LCMT1: variants seen among roughly 807,000 people sequenced by gnomAD.
LCMT1 encodes [Phosphatase 2A protein]-leucine-carboxy methyltransferase 1.
A neutral mutation model predicts 47.7 loss-of-function variants in LCMT1; 32 were observed. That is an observed-to-expected ratio of 0.67 (90% CI 0.51 to 0.90). The LOEUF (loss-of-function observed/expected upper bound fraction) is 0.90, where lower values mean the gene tolerates loss of function less well. Ranked by LOEUF, LCMT1 falls within the 40% of genes least tolerant of loss-of-function variation. The probability of loss-of-function intolerance (pLI) is 0.00; values close to 1 mark genes in which losing one functional copy is unlikely to be tolerated. For missense variants in LCMT1, 375 were observed against 415.2 expected (o/e 0.90, Z 0.84); for synonymous variants, 152 against 149.7 (o/e 1.02, Z -0.11).
intron 9 of LCMT1, among the ~76,000 whole-genome samples, chr16:25,172,955 G>T (rs893621163): frequency 6.6e-6 from 1 of 152,222 alleles, no homozygotes; most frequent in Non-Finnish European, 1.5e-5. Context: ...GCAGTCATTT[G>T]TCTCATGTTT....
intron 1 of LCMT1, among the ~76,000 whole-genome samples, chr16:25,114,543 C>T (rs1959727247): frequency 6.6e-6 from 1 of 152,126 alleles, no homozygotes; most frequent in Admixed American, 6.6e-5. Flanking sequence ...CTTATGATGT[C>T]CATCATGCTA....
At chr16:25,132,917 G>A (rs1960396866) in intron 3 of LCMT1, among the ~76,000 whole-genome samples, 1 of 151,050 alleles carries the variant, frequency 6.6e-6, no homozygotes, top group Non-Finnish European at 1.5e-5. Flanking sequence ...GAACGCAATG[G>A]CACAATCATG....
At chr16:25,148,542 C>T (rs906814887) in intron 4 of LCMT1, among the ~76,000 whole-genome samples, 2 of 152,194 alleles carry the variant, frequency 1.3e-5, no homozygotes, top group East Asian at 1.9e-4. Context: ...TCAGTCCGTC[C>T]TGCACGGGTG....
chr16:25,138,907 T>C (rs887487732), intron 3 of LCMT1, among the ~76,000 whole-genome samples: 3 of 152,128 alleles, frequency 2.0e-5, no homozygotes, highest in African/African-American at 7.2e-5. Context: ...CCCCATAAAG[T>C]GTTAGCATTT....
chr16:25,172,512 G>A (rs891546291), intron 9 of LCMT1, among the ~76,000 whole-genome samples: 5 of 152,182 alleles, frequency 3.3e-5, no homozygotes, highest in Non-Finnish European at 7.3e-5. Context: ...GCGCTAGTGC[G>A]CACTTCAGCT....
chr16:25,172,238 C>A (rs1056035239), intron 9 of LCMT1, among the ~76,000 whole-genome samples: 1 of 150,158 alleles, frequency 6.7e-6, no homozygotes, highest in Non-Finnish European at 1.5e-5. Flanking sequence ...ACCTGGGAGG[C>A]GGAGGTTGCA....
chr16:25,124,341 G>GA (rs1311900924), intron 1 of LCMT1, among the ~76,000 whole-genome samples: 3 of 152,148 alleles, frequency 2.0e-5, no homozygotes, highest in African/African-American at 4.8e-5. Flanking sequence ...TGTTATGAGG[G>GA]AAAAAACAAG....
At chr16:25,117,299 T>C (rs997722875) in intron 1 of LCMT1, among the ~76,000 whole-genome samples, 13 of 152,216 alleles carry the variant, frequency 8.5e-5, no homozygotes, top group African/African-American at 3.1e-4. Context: ...TCGCAAATCT[T>C]ATTCTGTCAC....
intron 4 of LCMT1, chr16:25,144,123 G>A (rs1239289327): frequency 6.6e-6 from 1 of 152,276 alleles, no homozygotes; most frequent in Non-Finnish European, 1.5e-5. Context: ...TGGCAGGGAA[G>A]TTGTGCCGCT....
chr16:25,147,714 C>T (rs1221049398), intron 4 of LCMT1: 9 of 151,592 alleles, frequency 5.9e-5, no homozygotes, highest in Admixed American at 2.0e-4. Flanking sequence ...GATTTTGAGG[C>T]AGGGTCTCAC....
chr16:25,122,476 G>GT (rs368738031), intron 1 of LCMT1, among the ~76,000 whole-genome samples: 1 of 151,902 alleles, frequency 6.6e-6, no homozygotes, highest in East Asian at 1.9e-4. Flanking sequence ...GCCCGGCTGT[G>GT]TTTTTTTAAT....
At chr16:25,138,860 G>C (rs944929595) in intron 3 of LCMT1, among the ~76,000 whole-genome samples, 6 of 152,034 alleles carry the variant, frequency 3.9e-5, no homozygotes, top group African/African-American at 1.4e-4. Flanking sequence ...GCCATTTCCT[G>C]TGAGCCCCAC....
intron 1 of LCMT1, among the ~76,000 whole-genome samples, chr16:25,117,070 C>G (rs116141882): frequency 0.015 from 2,351 of 152,150 alleles, 60 homozygotes; most frequent in African/African-American, 0.054. Flanking sequence ...TGGAAGGTCC[C>G]AAGGAGTATG....
chr16:25,171,737 T>C (rs1170411458), intron 9 of LCMT1, among the ~76,000 whole-genome samples: 1 of 152,210 alleles, frequency 6.6e-6, no homozygotes, highest in South Asian at 2.1e-4. Context: ...CTATGCTTCT[T>C]GTTCTAAAAA....
At chr16:25,142,784 A>C (rs988782979) in intron 4 of LCMT1, 2 of 152,212 alleles carry the variant, frequency 1.3e-5, no homozygotes, top group African/African-American at 4.8e-5. Flanking sequence ...TGGACTCAAG[A>C]TCTCTAACCA....
At chr16:25,161,694 T>C (rs187221810) in intron 6 of LCMT1, among the ~76,000 whole-genome samples, 1 of 152,314 alleles carries the variant, frequency 6.6e-6, no homozygotes, top group Admixed American at 6.5e-5. Context: ...CTGTGTTACT[T>C]TGTAAAAATA....
Position 25,170,705 on chromosome 16 carries a change from A to G in LCMT1, c.793-9A>G, listed in dbSNP as rs1379895683. The G allele has an allele frequency of 2.5e-6, 4 of 1,609,594 alleles. No homozygotes were observed. Among genetic ancestry groups the G allele is most frequent in the East Asian group, 2.2e-5 (1 of 44,836 alleles). ...CTAGTTCTCCATTTCTCTTCGTTGC[A>G]CATTTTAGAAAGAACGGCTCCTGTC... On this transcript the variant is annotated splice_polypyrimidine_tract_variant and intron_variant, in intron 8 of 10. Transcript: ENST00000399069.
chr16:25,140,435 A>G (rs980079497), intron 4 of LCMT1, 188 bp downstream of exon 4: 2 of 585,310 alleles, frequency 3.4e-6, no homozygotes, highest in East Asian at 2.8e-5. Context: ...TGCAATATAC[A>G]TTTCCTTATT....
rs796958159 is a variant in LCMT1, at chr16:25,123,889, G to C, written c.114-4586G>C. On this transcript the variant is annotated intron_variant, in intron 1 of 10. Coordinates refer to ENST00000399069, the MANE Select transcript of LCMT1 (RefSeq NM_016309.3). ...CTCCCAAAATGCTGGGATCACAAGCGTGAGCCACTACACCCGGCCTAATTT... is the reference window on the plus strand; with the variant it reads ...CTCCCAAAATGCTGGGATCACAAGCCTGAGCCACTACACCCGGCCTAATTT... Among the ~76,000 whole-genome samples, 17 of 152,278 alleles carry C rather than the reference G, an allele frequency of 1.1e-4. 1 individual carries two copies. The highest frequency in any genetic ancestry group is 4.1e-4 in the African/African-American group (17 of 41,562).
Sources: gnomAD v4.1 joint callset for allele counts (sites outside exome capture counted in the v4.1 genomes callset) on GRCh38, gnomAD v4.1.1 for gene constraint, MANE v1.5 for transcripts, NCBI Gene and HGNC (gene_info 2026-07-23, HGNC 2026-07-21) for gene names.